PHKB: variants seen among roughly 807,000 people sequenced by gnomAD.
The protein encoded by PHKB is phosphorylase kinase regulatory subunit beta, also known as phosphorylase b kinase regulatory subunit beta.
Under a neutral mutation model 152.1 loss-of-function variants are expected in PHKB, and 122 were observed. The observed-to-expected ratio is 0.80, with a 90% CI of 0.69 to 0.93. The LOEUF is 0.93. Ranked by LOEUF, PHKB falls within the 40% of genes least tolerant of loss-of-function variation. The pLI is 0.00. For synonymous variants in PHKB, 436 were observed against 464.9 expected (o/e 0.94, Z 0.80); for missense variants, 1,304 against 1,328.4 (o/e 0.98, Z 0.29).
intron 7 of PHKB, among the ~76,000 whole-genome samples, chr16:47,557,496 C>T (rs553785915): frequency 6.6e-6 from 1 of 152,102 alleles, no homozygotes; most frequent in South Asian, 2.1e-4. Flanking sequence ...TGACAAAGGG[C>T]TAATATCCAG....
chr16:47,609,440 T>TG (rs370191575), intron 13 of PHKB, among the ~76,000 whole-genome samples: 648 of 53,360 alleles, frequency 0.012, 1 homozygote, highest in Non-Finnish European at 0.018. Context: ...TTTTTGTGGG[T>TG]GGGGGGGGGG....
rs886052025 is a variant in PHKB, at chr16:47,699,715, C to T, written c.*349C>T. On this transcript the variant is annotated 3_prime_UTR_variant, in exon 31 of 31. Coordinates refer to ENST00000323584, the MANE Select transcript of PHKB (RefSeq NM_000293.3). ...CTCTTTGGACTGAATTCTTACCATA[C>T]TGCCATTAAAATAAATTTGCCAACT... 3 of 307,262 alleles carry T rather than the reference C, an allele frequency of 9.8e-6. No individual in the cohort carries two copies. The highest frequency in any genetic ancestry group is 1.9e-5 in the Non-Finnish European group (3 of 159,822). The allele number at this position is 307,262 out of a possible 1,614,324, so 19.0% of individuals were successfully genotyped here. A position where few individuals can be genotyped will look rare whatever the true frequency, so the allele number is the denominator to read the frequency against.
At chr16:47,623,963 A>C (rs1001848055) in intron 14 of PHKB, among the ~76,000 whole-genome samples, 3 of 152,212 alleles carry the variant, frequency 2.0e-5, no homozygotes, top group Admixed American at 6.5e-5. Flanking sequence ...ATTGAATTAG[A>C]AATATCAGAA....
intron 1 of PHKB, among the ~76,000 whole-genome samples, chr16:47,468,258 T>A (rs1969703808): frequency 6.6e-6 from 1 of 152,218 alleles, no homozygotes; most frequent in Non-Finnish European, 1.5e-5. Flanking sequence ...CTTATCTCAC[T>A]ACAGTCTGTT....
chr16:47,531,681 A>G (rs759477952), intron 6 of PHKB, among the ~76,000 whole-genome samples: 12 of 152,176 alleles, frequency 7.9e-5, no homozygotes, highest in East Asian at 3.9e-4. Context: ...TTTGCCATCA[A>G]TGTATTGCAA....
intron 7 of PHKB, among the ~76,000 whole-genome samples, chr16:47,553,325 C>T (rs922754519): frequency 4.0e-5 from 6 of 151,858 alleles, no homozygotes; most frequent in Non-Finnish European, 5.9e-5. Flanking sequence ...TTGATCGATT[C>T]GGCTCTTGAT....
At chr16:47,470,571 C>T (rs1310635198) in intron 1 of PHKB, among the ~76,000 whole-genome samples, 6 of 152,164 alleles carry the variant, frequency 3.9e-5, no homozygotes, top group Admixed American at 3.9e-4. Flanking sequence ...GGGGCCTGTT[C>T]CCAACATCCT....
intron 8 of PHKB, 126 bp from the exon 9 acceptor site, chr16:47,587,542 T>A: frequency 1.5e-6 from 1 of 670,090 alleles, no homozygotes; most frequent in East Asian, 2.7e-5. Flanking sequence ...ATTTAAATCT[T>A]CTGGAACTCC....
At chr16:47,665,491 T>C (rs1973522416) in intron 25 of PHKB, 1 of 257,666 alleles carries the variant, frequency 3.9e-6, no homozygotes, top group Admixed American at 5.1e-5. Flanking sequence ...GTGAATCCTC[T>C]AATCCAGAGA....
At chr16:47,648,726 A>G in intron 17 of PHKB, 110 bp downstream of exon 17, 1 of 760,030 alleles carries the variant, frequency 1.3e-6, no homozygotes, top group Non-Finnish European at 2.4e-6. Flanking sequence ...TACTCAGACT[A>G]CTTATCTGAA....
At chr16:47,598,188 C>T (rs1404641134) in intron 13 of PHKB, among the ~76,000 whole-genome samples, 1 of 152,058 alleles carries the variant, frequency 6.6e-6, no homozygotes, top group Non-Finnish European at 1.5e-5. Flanking sequence ...TATCACCAGC[C>T]ACTTGTGCTA....
chr16:47,476,906 A>C (rs568067199), intron 1 of PHKB, among the ~76,000 whole-genome samples: 1 of 152,278 alleles, frequency 6.6e-6, no homozygotes, highest in South Asian at 2.1e-4. Flanking sequence ...TCTGCTGTTC[A>C]GCATCCTCCC....
chr16:47,520,070 C>G (rs1970660459), intron 6 of PHKB, among the ~76,000 whole-genome samples: 1 of 151,990 alleles, frequency 6.6e-6, no homozygotes, highest in African/African-American at 2.4e-5. Context: ...TCAGGCTGAA[C>G]TTGAGGGGTT....
intron 1 of PHKB, among the ~76,000 whole-genome samples, chr16:47,472,496 A>C (rs1232049682): frequency 6.6e-6 from 1 of 152,094 alleles, no homozygotes; most frequent in East Asian, 1.9e-4. Flanking sequence ...AAAATACAAA[A>C]ATTAGGCTGG....
chr16:47,470,690 T>C (rs1461688822), intron 1 of PHKB, among the ~76,000 whole-genome samples: 2 of 152,232 alleles, frequency 1.3e-5, no homozygotes, highest in Non-Finnish European at 2.9e-5. Flanking sequence ...ACCCAGCCAC[T>C]GCTGCCTTCC....
intron 14 of PHKB, among the ~76,000 whole-genome samples, chr16:47,611,776 G>T (rs1405921087): frequency 2.0e-5 from 3 of 152,078 alleles, no homozygotes; most frequent in African/African-American, 7.2e-5. Flanking sequence ...CTCTTTTGCT[G>T]GTCTTCAACA....
At chr16:47,570,635 T>G (rs531004690) in intron 7 of PHKB, among the ~76,000 whole-genome samples, 4 of 146,592 alleles carry the variant, frequency 2.7e-5, no homozygotes, top group Non-Finnish European at 6.0e-5. Context: ...AGAAGTTCTG[T>G]TTTTTTTTTA....
At chr16:47,636,010 G>A (rs905606710) in intron 14 of PHKB, among the ~76,000 whole-genome samples, 8 of 152,184 alleles carry the variant, frequency 5.3e-5, no homozygotes, top group South Asian at 2.1e-4. Context: ...CAGGATTCTG[G>A]TGACTAATTG....
At chr16:47,526,484 A>G (rs564504643) in intron 6 of PHKB, among the ~76,000 whole-genome samples, 1 of 152,196 alleles carries the variant, frequency 6.6e-6, no homozygotes, top group East Asian at 1.9e-4. Context: ...TGGGACTGAA[A>G]GTTTCAATCC....
Sources: gnomAD v4.1 joint callset for allele counts (sites outside exome capture counted in the v4.1 genomes callset) on GRCh38, gnomAD v4.1.1 for gene constraint, MANE v1.5 for transcripts, NCBI Gene and HGNC (gene_info 2026-07-23, HGNC 2026-07-21) for gene names.